Variants in SDK1 observed in about 807,000 individuals in gnomAD.
SDK1 encodes protein sidekick-1.
A neutral mutation model predicts 245.5 loss-of-function variants in SDK1; 157 were observed. The observed-to-expected ratio is 0.64, with a 90% confidence interval of 0.56 to 0.73. SDK1 has a LOEUF of 0.73. SDK1 is among the 30% of genes least tolerant of loss of function. The pLI is 0.00. For missense variants in SDK1, 3,583 were observed against 3,002.3 expected, an observed-to-expected ratio of 1.19 and a Z score of -4.52; for synonymous variants, 1,647 against 1,278.5, an observed-to-expected ratio of 1.29 and a Z score of -6.15.
intron 1 of SDK1, among the ~76,000 whole-genome samples, chr7:3,531,410 A>G (rs1256286438): frequency 6.6e-6 from 1 of 152,206 alleles, no homozygotes; most frequent in African/African-American, 2.4e-5. Context: ...TTGAAAATTT[A>G]AATTTTTTAT....
intron 14 of SDK1, among the ~76,000 whole-genome samples, chr7:4,009,124 A>G (rs1205307052): frequency 6.6e-6 from 1 of 152,220 alleles, no homozygotes; most frequent in Non-Finnish European, 1.5e-5. Flanking sequence ...ATTAGATGCA[A>G]TATCATTGTG....
At chr7:4,138,330 A>T (rs1779231826) in intron 28 of SDK1, among the ~76,000 whole-genome samples, 1 of 152,224 alleles carries the variant, frequency 6.6e-6, no homozygotes, top group Admixed American at 6.5e-5. Flanking sequence ...TTAAACAGTC[A>T]TTAAAATTCA....
chr7:4,157,516 G>A (rs1421035139), intron 30 of SDK1, among the ~76,000 whole-genome samples: 2 of 134,716 alleles, frequency 1.5e-5, no homozygotes, highest in African/African-American at 2.6e-5. Flanking sequence ...GCAGCAAGGA[G>A]CGGGGAGGGA....
At chr7:3,428,853 C>A (rs182636252) in intron 1 of SDK1, among the ~76,000 whole-genome samples, 1 of 152,168 alleles carries the variant, frequency 6.6e-6, no homozygotes, top group Non-Finnish European at 1.5e-5. Flanking sequence ...AGGAAAGGAA[C>A]ATCCCGTAGT....
intron 19 of SDK1, among the ~76,000 whole-genome samples, chr7:4,060,590 T>A (rs1228613588): frequency 6.6e-6 from 1 of 152,082 alleles, no homozygotes; most frequent in Non-Finnish European, 1.5e-5. Flanking sequence ...ATTGTGTAGG[T>A]TGCCTGTTCA....
intron 22 of SDK1, among the ~76,000 whole-genome samples, chr7:4,089,543 C>G (rs752259475): frequency 2.6e-5 from 4 of 152,178 alleles, no homozygotes; most frequent in Non-Finnish European, 4.4e-5. Context: ...CCTGCCTTCC[C>G]CATCGTGGGC....
At chr7:3,614,907 T>C (rs1198927388) in intron 1 of SDK1, among the ~76,000 whole-genome samples, 6 of 144,192 alleles carry the variant, frequency 4.2e-5, no homozygotes, top group Non-Finnish European at 6.3e-5. Context: ...AACCATTCTT[T>C]AAAATGAGCT....
intron 1 of SDK1, among the ~76,000 whole-genome samples, chr7:3,561,245 G>T (rs1779741592): frequency 6.6e-6 from 1 of 152,090 alleles, no homozygotes; most frequent in African/African-American, 2.4e-5. Context: ...TTCTTCAAGG[G>T]CAGGGGGTTG....
chr7:3,540,308 G>A (rs1338857841), intron 1 of SDK1, among the ~76,000 whole-genome samples: 9 of 152,222 alleles, frequency 5.9e-5, no homozygotes, highest in Admixed American at 5.9e-4. Context: ...TCGGGAGGCC[G>A]AGACAGGAGA....
chr7:3,312,590 C>T (rs1461912109), intron 1 of SDK1, among the ~76,000 whole-genome samples: 1 of 150,942 alleles, frequency 6.6e-6, no homozygotes, highest in African/African-American at 2.4e-5. Context: ...AAAAAAATAA[C>T]CTCAATGGAC....
intron 19 of SDK1, 62 bp downstream of exon 19, chr7:4,051,892 C>T (rs1778875723): frequency 6.8e-7 from 1 of 1,465,662 alleles, no homozygotes; most frequent in Non-Finnish European, 9.3e-7. Context: ...ACCGCTGCAA[C>T]TTCCAGAATC....
rs561551012 is a variant in SDK1, at chr7:3,502,005, G to C, written c.299-117075G>C. ...TTTAACAGCTGGATTTCTAGTGATA[G>C]GCAAACTTTTAACAAAAATTCCAAT... is the stretch of plus-strand genomic sequence containing the variant. On this transcript the variant is annotated intron_variant, in intron 1 of 44. Coordinates refer to ENST00000404826, the MANE Select transcript of SDK1 (RefSeq NM_152744.4). 5.4e-4 allele frequency among the ~76,000 whole-genome samples: 82 copies of C among 152,164 alleles called. 1 individual carries two copies. Among genetic ancestry groups the C allele is most frequent in the African/African-American group, 1.9e-3 (77 of 41,522 alleles).
intron 1 of SDK1, among the ~76,000 whole-genome samples, chr7:3,478,455 A>C (rs1781412272): frequency 6.6e-6 from 1 of 152,078 alleles, no homozygotes; most frequent in Non-Finnish European, 1.5e-5. Flanking sequence ...AATTATTAGA[A>C]AAATAACCTA....
chr7:4,071,761 T>C (rs892422653), intron 20 of SDK1, among the ~76,000 whole-genome samples: 2 of 152,214 alleles, frequency 1.3e-5, no homozygotes, highest in East Asian at 1.9e-4. Flanking sequence ...GAGCTCTGCT[T>C]ACCACTGATC....
At chr7:3,655,049 C>CCTT (rs1554303404) in intron 4 of SDK1, among the ~76,000 whole-genome samples, 3 of 144,308 alleles carry the variant, frequency 2.1e-5, no homozygotes, top group African/African-American at 7.6e-5. Flanking sequence ...TCATAGCTTG[C>CCTT]TTTTTTTTTT....
At chr7:3,672,772 T>TATATATAC (rs1783751845) in intron 4 of SDK1, among the ~76,000 whole-genome samples, 2 of 91,834 alleles carry the variant, frequency 2.2e-5, no homozygotes, top group African/African-American at 8.1e-5. Context: ...TATATATATA[T>TATATATAC]ATATATATAT....
chr7:4,035,895 TC>T (rs1788173949), intron 17 of SDK1, among the ~76,000 whole-genome samples: 1 of 152,070 alleles, frequency 6.6e-6, no homozygotes, highest in Non-Finnish European at 1.5e-5. Flanking sequence ...AATTTACAAA[TC>T]CATAATAATA....
At chr7:3,710,528 T>C (rs1354378387) in intron 4 of SDK1, among the ~76,000 whole-genome samples, 1 of 152,220 alleles carries the variant, frequency 6.6e-6, no homozygotes, top group African/African-American at 2.4e-5. Context: ...AATCTCCTGT[T>C]TTCATGCTTG....
At chr7:3,435,715 A>C (rs1306588428) in intron 1 of SDK1, among the ~76,000 whole-genome samples, 1 of 152,024 alleles carries the variant, frequency 6.6e-6, no homozygotes, top group African/African-American at 2.4e-5. Flanking sequence ...CCTACTTTAC[A>C]TGCCCCACCT....
Sources: allele counts gnomAD v4.1 joint callset (sites outside exome capture counted in the v4.1 genomes callset), GRCh38; gene constraint gnomAD v4.1.1; transcripts MANE v1.5; gene names NCBI Gene and HGNC (gene_info 2026-07-23, HGNC 2026-07-21).